PTPRD: variants seen among roughly 807,000 people sequenced by gnomAD.
The protein encoded by PTPRD is protein tyrosine phosphatase receptor type D, also known as receptor-type tyrosine-protein phosphatase delta.
PTPRD carries 34 observed loss-of-function variants against 214.5 expected under a neutral mutation model. The observed-to-expected ratio is 0.16, with a 90% confidence interval of 0.12 to 0.21. The LOEUF is 0.21. Among genes scored for constraint, PTPRD ranks in the 10% least tolerant of loss-of-function variants. PTPRD has a pLI of 1.00. For missense variants in PTPRD, 2,545 were observed against 2,398.7 expected (o/e 1.06, Z -1.27); for synonymous variants, 1,128 against 845.7 (o/e 1.33, Z -5.79).
intron 3 of PTPRD, among the ~76,000 whole-genome samples, chr9:10,334,239 T>G (rs1301819133): frequency 2.0e-5 from 3 of 151,756 alleles, no homozygotes; most frequent in African/African-American, 7.2e-5. Context: ...TACCTATATG[T>G]TATATCAAAT....
chr9:8,389,491 CT>C, intron 36 of PTPRD, 84 bp from the exon 37 acceptor site: 2 of 1,016,742 alleles, frequency 2.0e-6, no homozygotes, highest in Non-Finnish European at 2.8e-6. Context: ...GCAGTGCTAT[CT>C]TACTGTTCCA....
rs529751749 is a variant in PTPRD, at chr9:9,323,652, C to A, written c.-203+73797G>T. Reference sequence around the variant, plus strand: ...CCACTCATAATAGAGACCATGAGATCATCTGATTTCTCTTAGGCAGTTCCA... The same window carrying A: ...CCACTCATAATAGAGACCATGAGATAATCTGATTTCTCTTAGGCAGTTCCA... On this transcript the variant is annotated intron_variant, in intron 9 of 45. Transcript: ENST00000381196. Among the ~76,000 whole-genome samples the A allele has an allele frequency of 2.6e-4, 40 of 152,188 alleles. No homozygotes were observed. In the South Asian group the frequency reaches 7.9e-3, roughly 30 times the overall value.
intron 3 of PTPRD, among the ~76,000 whole-genome samples, chr9:10,142,531 C>A (rs201466205): frequency 2.0e-5 from 3 of 152,014 alleles, no homozygotes; most frequent in Non-Finnish European, 4.4e-5. Flanking sequence ...AAAATGCTCA[C>A]CATCACTAGC....
intron 10 of PTPRD, among the ~76,000 whole-genome samples, chr9:9,178,024 A>G (rs1046041464): frequency 1.3e-5 from 2 of 152,170 alleles, no homozygotes; most frequent in African/African-American, 2.4e-5. Context: ...CATAATAGGA[A>G]TGGTGAAGGA....
chr9:9,587,756 G>C lies in PTPRD; in HGVS notation c.-286-12975C>G, dbSNP rs374582636. Among the ~76,000 whole-genome samples the C allele has an allele frequency of 2.6e-5, 4 of 152,036 alleles. No individual in the cohort carries two copies. In the East Asian group the frequency reaches 7.8e-4, roughly 30 times the overall value. On this transcript the variant is annotated intron_variant, in intron 7 of 45. Transcript: ENST00000381196. ...ATTAAGTTGAAATAATCTAGTCACA[G>C]AAAGACAAATACTGCATGTTCTTAC... is the stretch of plus-strand genomic sequence containing the variant.
intron 5 of PTPRD, among the ~76,000 whole-genome samples, chr9:9,879,707 C>T (rs1169178296): frequency 6.6e-6 from 1 of 152,064 alleles, no homozygotes. Flanking sequence ...GCCTCAAGAT[C>T]AAGAGGTGAG....
chr9:9,279,356 A>C (rs145685845), intron 9 of PTPRD, among the ~76,000 whole-genome samples: 101 of 147,544 alleles, frequency 6.8e-4, no homozygotes, highest in African/African-American at 2.4e-3. Context: ...ATATATATAT[A>C]TATCTAAATA....
chr9:9,647,825 G>A (rs1045685671), intron 7 of PTPRD, among the ~76,000 whole-genome samples: 1 of 152,076 alleles, frequency 6.6e-6, no homozygotes, highest in Non-Finnish European at 1.5e-5. Context: ...CCCACTCCCT[G>A]AGAGAAATTT....
chr9:10,582,279 T>C (rs1350459446), intron 2 of PTPRD, among the ~76,000 whole-genome samples: 1 of 152,172 alleles, frequency 6.6e-6, no homozygotes, highest in Non-Finnish European at 1.5e-5. Context: ...TACCGGACCT[T>C]GTTTTTTCAT....
chr9:9,943,317 T>G (rs2091958063), intron 4 of PTPRD, among the ~76,000 whole-genome samples: 1 of 152,180 alleles, frequency 6.6e-6, no homozygotes, highest in African/African-American at 2.4e-5. Flanking sequence ...CTGCTTCATT[T>G]TCCCCTGTAC....
At chr9:9,772,834 T>C (rs1473933732) in intron 5 of PTPRD, among the ~76,000 whole-genome samples, 1 of 152,166 alleles carries the variant, frequency 6.6e-6, no homozygotes, top group African/African-American at 2.4e-5. Context: ...TCTTAAAAAA[T>C]ATTTGCTCCC....
chr9:10,464,017 A>G (rs917050736), intron 2 of PTPRD, among the ~76,000 whole-genome samples: 6 of 152,190 alleles, frequency 3.9e-5, no homozygotes, highest in Non-Finnish European at 8.8e-5. Flanking sequence ...TAAAAAGATA[A>G]TCCTCTGTTA....
At chr9:10,116,357 AATTG>A (rs1039326497) in intron 3 of PTPRD, among the ~76,000 whole-genome samples, 2 of 152,130 alleles carry the variant, frequency 1.3e-5, no homozygotes, top group Admixed American at 6.6e-5. Flanking sequence ...GGGGTCACTT[AATTG>A]ATTATGAATA....
chr9:10,016,398 C>CAGAT (rs1243199889), intron 4 of PTPRD, among the ~76,000 whole-genome samples: 1 of 53,172 alleles, frequency 1.9e-5, no homozygotes, highest in Non-Finnish European at 4.6e-5. Flanking sequence ...GATAGATAGA[C>CAGAT]AGATAGATAG....
intron 4 of PTPRD, among the ~76,000 whole-genome samples, chr9:10,013,590 A>G (rs2096643710): frequency 6.6e-6 from 1 of 151,466 alleles, no homozygotes; most frequent in African/African-American, 2.4e-5. Context: ...TAGCTGAAAA[A>G]AAAAATTTCA....
At chr9:8,329,917 A>AT (rs1246188190) in intron 44 of PTPRD, among the ~76,000 whole-genome samples, 3 of 147,578 alleles carry the variant, frequency 2.0e-5, no homozygotes, top group East Asian at 2.0e-4. Flanking sequence ...TCGCAGTGAG[A>AT]TTTTCAAGCC....
intron 5 of PTPRD, among the ~76,000 whole-genome samples, chr9:9,865,228 C>G (rs17339514): frequency 0.015 from 2,248 of 152,292 alleles, 48 homozygotes; most frequent in African/African-American, 0.052. Flanking sequence ...AATCAGGTTA[C>G]TGCTATTGTT....
intron 3 of PTPRD, among the ~76,000 whole-genome samples, chr9:10,147,003 TG>T (rs142808890): frequency 0.11 from 16,952 of 152,138 alleles, 1,130 homozygotes; most frequent in South Asian, 0.25. Context: ...AATAAATGCC[TG>T]GGCACAGCCG....
chr9:9,559,924 G>T (rs1340659049), intron 8 of PTPRD, among the ~76,000 whole-genome samples: 1 of 152,202 alleles, frequency 6.6e-6, no homozygotes, highest in Non-Finnish European at 1.5e-5. Context: ...AGCTTCCACA[G>T]CTGCCAATAA....
Sources: allele counts gnomAD v4.1 joint callset (sites outside exome capture counted in the v4.1 genomes callset), GRCh38; gene constraint gnomAD v4.1.1; transcripts MANE v1.5; gene names NCBI Gene and HGNC (gene_info 2026-07-23, HGNC 2026-07-21).